Variants in FLRT2 observed in about 807,000 individuals in gnomAD.
The protein encoded by FLRT2 is fibronectin leucine rich transmembrane protein 2.
A neutral mutation model predicts 40.0 loss-of-function variants in FLRT2; 15 were observed. That is an observed-to-expected ratio of 0.38 (90% CI 0.25 to 0.58). The LOEUF (loss-of-function observed/expected upper bound fraction) is 0.58, where lower values mean the gene tolerates loss of function less well. Among genes scored for constraint, FLRT2 ranks in the 20% least tolerant of loss-of-function variants. The pLI, the probability that FLRT2 is intolerant of heterozygous loss-of-function variation, is 0.71. For synonymous variants in FLRT2, 380 were observed against 336.8 expected (o/e 1.13, Z -1.41); for missense variants, 726 against 840.0 (o/e 0.86, Z 1.68).
At position 85,637,459 on chromosome 14, in the gene FLRT2, A is replaced by C. The variant is rs775096180; in HGVS notation, c.*13962A>C. The C allele has an allele frequency of 6.6e-6, 1 of 152,132 alleles. No individual in the cohort carries two copies. The highest frequency in any genetic ancestry group is 1.5e-5 in the Non-Finnish European group (1 of 68,024). The allele number at this position is 152,132 out of a possible 1,614,324, so 9.4% of individuals were successfully genotyped here. ...CACCTACCACAGTGTTGGTGTGAAGACTCATTTAAAGTTACTAGCACAGTG... is the reference window on the plus strand; with the variant it reads ...CACCTACCACAGTGTTGGTGTGAAGCCTCATTTAAAGTTACTAGCACAGTG... On this transcript the variant is annotated 3_prime_UTR_variant, in exon 2 of 2. Coordinates refer to ENST00000330753, the MANE Select transcript of FLRT2 (RefSeq NM_013231.6).
At position 85,621,127 on chromosome 14, in the gene FLRT2, T is replaced by C. The variant is rs1222284205; in HGVS notation, c.-376-12T>C. On this transcript the variant is annotated splice_polypyrimidine_tract_variant and intron_variant, in intron 1 of 1. Coordinates refer to ENST00000330753, the MANE Select transcript of FLRT2 (RefSeq NM_013231.6). Reference sequence around the variant, plus strand: ...TTTAACTGACCATTTCCTCTTTTCTTTCCTGCAACAGATTGCAGATTGAGC... The same window carrying C: ...TTTAACTGACCATTTCCTCTTTTCTCTCCTGCAACAGATTGCAGATTGAGC... 9.3e-6 allele frequency: 2 copies of C among 214,660 alleles called. No homozygotes were observed. Among genetic ancestry groups the C allele is most frequent in the African/African-American group, 4.6e-5 (2 of 43,576 alleles). The allele number at this position is 214,660 out of a possible 1,614,324, so 13.3% of individuals were successfully genotyped here.
chr14:85,557,514 T>C (rs1890045367), intron 1 of FLRT2, among the ~76,000 whole-genome samples: 1 of 152,092 alleles, frequency 6.6e-6, no homozygotes, highest in Admixed American at 6.6e-5. Context: ...AGATAGAGTA[T>C]AAAAACAAAA....
intron 1 of FLRT2, among the ~76,000 whole-genome samples, chr14:85,617,759 A>T (rs941827279): frequency 2.0e-5 from 3 of 152,202 alleles, no homozygotes; most frequent in Non-Finnish European, 4.4e-5. Context: ...AATCTGCTAC[A>T]TGCTGTTATT....
At chr14:85,599,251 A>C (rs1440964708) in intron 1 of FLRT2, among the ~76,000 whole-genome samples, 1 of 141,730 alleles carries the variant, frequency 7.1e-6, no homozygotes, top group African/African-American at 2.7e-5. Flanking sequence ...CAAGGTGACA[A>C]GTATTGCAAA....
chr14:85,583,154 CT>C (rs1250214134), intron 1 of FLRT2, among the ~76,000 whole-genome samples: 1 of 152,156 alleles, frequency 6.6e-6, no homozygotes, highest in Admixed American at 6.6e-5. Flanking sequence ...CTGAAAATTA[CT>C]GGCAGGGATC....
At chr14:85,595,719 A>C (rs1892110300) in intron 1 of FLRT2, among the ~76,000 whole-genome samples, 2 of 152,118 alleles carry the variant, frequency 1.3e-5, no homozygotes, top group Non-Finnish European at 2.9e-5. Context: ...AATATTCAAA[A>C]TTTTCTTTGA....
chr14:85,531,933 G>A (rs1312803327), intron 1 of FLRT2, among the ~76,000 whole-genome samples: 1 of 152,220 alleles, frequency 6.6e-6, no homozygotes, highest in East Asian at 1.9e-4. Context: ...CGTCTGGGTG[G>A]ATCCTTGCGT....
chr14:85,639,844 TTTTTTCC>T lies in FLRT2; in HGVS notation c.*16353_*16359del, dbSNP rs1347572271. The T allele has an allele frequency of 1.9e-5, 2 of 104,086 alleles. No individual in the cohort carries two copies. Among genetic ancestry groups the T allele is most frequent in the African/African-American group, 8.2e-5 (2 of 24,272 alleles). The allele number at this position is 104,086 out of a possible 1,614,324, so 6.4% of individuals were successfully genotyped here. ...ACTAGCAGAAATTCTTTATTTTTTT[TTTTTTCC>T]TTTTTTTTTTTTTTTGAGACAGTGT... On this transcript the variant is annotated 3_prime_UTR_variant, in exon 2 of 2. Transcript: ENST00000330753.
Position 85,643,313 on chromosome 14 carries a change from TTCTTTCTTTC to T in FLRT2, c.*19818_*19827del. 1 of 102,242 alleles carries T rather than the reference TTCTTTCTTTC, an allele frequency of 9.8e-6. No homozygotes were observed. Among genetic ancestry groups the T allele is most frequent in the African/African-American group, 4.3e-5 (1 of 23,470 alleles). 6.3% of individuals were successfully genotyped at this position (102,242 alleles called of 1,614,324 possible). ...TTTTTTTCTTTCTTTCTTTCTTTCT[TTCTTTCTTTC>T]TTTCTTTCTTTCTTTCTTTCTTTCT... On this transcript the variant is annotated 3_prime_UTR_variant, in exon 2 of 2. Transcript: ENST00000330753.
In FLRT2 at chr14:85,654,343, C is replaced by T. The variant is rs1894500147; in HGVS notation, c.*30846C>T. The T allele has an allele frequency of 1.3e-5, 2 of 152,092 alleles. No individual in the cohort carries two copies. The highest frequency in any genetic ancestry group is 2.9e-5 in the Non-Finnish European group (2 of 68,010). 9.4% of individuals were successfully genotyped at this position (152,092 alleles called of 1,614,324 possible). A position where few individuals can be genotyped will look rare whatever the true frequency, so the allele number is the denominator to read the frequency against. Reference sequence around the variant, plus strand: ...GTACAAAATAAAAGTTACCCATATTCTTATCAGCCAGATCTAACTAATTTT... The same window carrying T: ...GTACAAAATAAAAGTTACCCATATTTTTATCAGCCAGATCTAACTAATTTT... On this transcript the variant is annotated 3_prime_UTR_variant, in exon 2 of 2. Coordinates refer to ENST00000330753, the MANE Select transcript of FLRT2 (RefSeq NM_013231.6).
intron 1 of FLRT2, among the ~76,000 whole-genome samples, chr14:85,543,811 A>G (rs1889118342): frequency 6.6e-6 from 1 of 152,178 alleles, no homozygotes; most frequent in Non-Finnish European, 1.5e-5. Context: ...AGGCACGTGG[A>G]TGACACTTTC....
intron 1 of FLRT2, among the ~76,000 whole-genome samples, chr14:85,564,535 G>A (rs1288463366): frequency 6.6e-6 from 1 of 152,120 alleles, no homozygotes; most frequent in Non-Finnish European, 1.5e-5. Context: ...ATGTATTCGT[G>A]GAAGATTTAT....
At chr14:85,549,461 A>G (rs1331633062) in intron 1 of FLRT2, among the ~76,000 whole-genome samples, 2 of 152,134 alleles carry the variant, frequency 1.3e-5, no homozygotes, top group Admixed American at 6.6e-5. Context: ...AAATGAGCCA[A>G]CCCCTTCACG....
At chr14:85,568,285 C>T (rs1301727671) in intron 1 of FLRT2, among the ~76,000 whole-genome samples, 1 of 151,934 alleles carries the variant, frequency 6.6e-6, no homozygotes, top group East Asian at 1.9e-4. Context: ...CAGTTCTGCC[C>T]TAGGTAAGTC....
chr14:85,585,174 A>G (rs377174590), intron 1 of FLRT2, among the ~76,000 whole-genome samples: 3 of 152,106 alleles, frequency 2.0e-5, no homozygotes, highest in African/African-American at 4.8e-5. Context: ...GACCTAATGC[A>G]TGTCCAGTCA....
chr14:85,593,750 C>T (rs922481524), intron 1 of FLRT2, among the ~76,000 whole-genome samples: 1 of 152,136 alleles, frequency 6.6e-6, no homozygotes, highest in African/African-American at 2.4e-5. Flanking sequence ...ATTAAAGATA[C>T]TTAGCATCTG....
In FLRT2 at chr14:85,622,173, G is replaced by C. The variant is rs1048438509; in HGVS notation, c.659G>C (p.Gly220Ala). 6.2e-6 allele frequency: 10 copies of C among 1,613,986 alleles called. No homozygotes were observed. The highest frequency in any genetic ancestry group is 8.5e-6 in the Non-Finnish European group (10 of 1,180,010). Residue 220 changes from glycine (G) to alanine (A), a missense_variant, in exon 2 of 2, where the codon GGT (glycine) becomes GCT (alanine). By Grantham distance (60) the Gly-to-Ala change is moderately conservative. Transcript: ENST00000330753. ...IVDGNLLTNK[G>A]IAEGTFSHLT... is the part of the protein sequence containing the mutation. The stretch of plus-strand genomic sequence containing the variant: ...GACGGGAACCTCCTGACCAACAAGG[G>C]TATCGCCGAGGGCACCTTCAGCCAT...
At chr14:85,601,397 C>A (rs1009671483) in intron 1 of FLRT2, among the ~76,000 whole-genome samples, 2 of 152,202 alleles carry the variant, frequency 1.3e-5, no homozygotes, top group South Asian at 4.1e-4. Context: ...CACAGCCAGA[C>A]TTCCAGGACT....
At chr14:85,560,617 A>T (rs1480685196) in intron 1 of FLRT2, among the ~76,000 whole-genome samples, 2 of 151,776 alleles carry the variant, frequency 1.3e-5, no homozygotes, top group Non-Finnish European at 2.9e-5. Flanking sequence ...TAAATAAAAA[A>T]TAAAGAAAAA....
Sources: gnomAD v4.1 joint callset for allele counts (sites outside exome capture counted in the v4.1 genomes callset) on GRCh38, gnomAD v4.1.1 for gene constraint, MANE v1.5 for transcripts, NCBI Gene and HGNC (gene_info 2026-07-23, HGNC 2026-07-21) for gene names.